The following SF3B1 variants were observed in gnomAD, a reference collection of about 807,000 sequenced individuals.
The protein encoded by SF3B1 is pre-mRNA processing 10.
Under a neutral mutation model 153.8 loss-of-function variants are expected in SF3B1, and 12 were observed. The observed-to-expected ratio is 0.08, with a 90% confidence interval of 0.05 to 0.13. The LOEUF is 0.13. Among genes scored for constraint, SF3B1 ranks in the 10% least tolerant of loss-of-function variants. The pLI, the probability that SF3B1 is intolerant of heterozygous loss-of-function variation, is 1.00. For missense variants in SF3B1, 513 were observed against 1,606.1 expected (o/e 0.32, Z 11.63); for synonymous variants, 498 against 525.2 (o/e 0.95, Z 0.71).
intron 3 of SF3B1, 75 bp downstream of exon 3, chr2:197,420,954 T>C (rs2085230760): frequency 2.3e-6 from 2 of 869,690 alleles, no homozygotes; most frequent in Non-Finnish European, 3.7e-6. Context: ...TCCTAAAATT[T>C]ATGGATTTCT....
At chr2:197,412,851 C>A (rs1321781353) in intron 6 of SF3B1, among the ~76,000 whole-genome samples, 5 of 149,688 alleles carry the variant, frequency 3.3e-5, no homozygotes, top group African/African-American at 1.2e-4. Flanking sequence ...GTGGCAGGCA[C>A]CTGTAATCCC....
chr2:197,397,325 A>G (rs1341003132), intron 22 of SF3B1, among the ~76,000 whole-genome samples: 1 of 152,226 alleles, frequency 6.6e-6, no homozygotes, highest in Non-Finnish European at 1.5e-5. Context: ...TAAAGCATTA[A>G]TATGAGACTT....
intron 1 of SF3B1, among the ~76,000 whole-genome samples, chr2:197,427,626 G>GA (rs1403383887): frequency 7.9e-5 from 12 of 152,142 alleles, no homozygotes; most frequent in African/African-American, 2.9e-4. Flanking sequence ...AAAAAGGTGG[G>GA]AAAAAATACG....
intron 1 of SF3B1, among the ~76,000 whole-genome samples, chr2:197,428,983 C>T (rs535280441): frequency 1.3e-5 from 2 of 151,632 alleles, no homozygotes; most frequent in Non-Finnish European, 2.9e-5. Flanking sequence ...AAAAAAAAGG[C>T]GGGGGTTGGC....
Position 197,403,053 on chromosome 2 carries a change from GA to G in SF3B1, c.1720-19del, listed in dbSNP as rs548985525. 256 of 1,554,820 alleles carry G rather than the reference GA, an allele frequency of 1.6e-4. 1 individual carries two copies. In the African/African-American group the frequency reaches 3.0e-3, roughly 18 times the overall value. ...ACGAGGATCTGAAAAAGAGAAAAGA[GA>G]AGAAGCTACACTTTCACATCAATTA... On this transcript the variant is annotated intron_variant, in intron 12 of 24. Coordinates refer to ENST00000335508, the MANE Select transcript of SF3B1 (RefSeq NM_012433.4).
At position 197,408,121 on chromosome 2, in the gene SF3B1, TACC is replaced by T; in HGVS notation, c.1118-5_1118-3del. On this transcript the variant is annotated splice_polypyrimidine_tract_variant and splice_region_variant and intron_variant, in intron 8 of 24. Transcript: ENST00000335508. ...CAGGAGTCATACTCATTATGTGACC[TACC>T]AAGAAAAGCAAATTTTTATATAATC... 6.2e-7 allele frequency: 1 copy of T among 1,611,912 alleles called. No homozygotes were observed. Among genetic ancestry groups the T allele is most frequent in the Non-Finnish European group, 8.5e-7 (1 of 1,178,782 alleles).
At position 197,400,885 on chromosome 2, in the gene SF3B1, T is replaced by C. The variant is rs2084931071; in HGVS notation, c.2548A>G (p.Ile850Val). The stretch of plus-strand genomic sequence containing the variant: ...TTCAGATCATCCACAATCCTGGATA[T>C]AATTTCTGCTGCACCTACTTTGTTT... The part of the protein sequence containing the change: ...LANKVGAAEI[I>V]SRIVDDLKDE... The change falls in exon 18 of 25, where the codon ATA becomes GTA. Residue 850 changes from isoleucine (I) to valine (V), a missense_variant. Physicochemically the swap from Ile to Val is conservative, Grantham distance 29 (BLOSUM62 3). Transcript: ENST00000335508. The surrounding 1 kb of genome is among the most constrained non-coding windows in gnomAD (Gnocchi z 5.0). 3 of 1,613,776 alleles carry C rather than the reference T, an allele frequency of 1.9e-6. No homozygotes were observed. Among genetic ancestry groups the C allele is most frequent in the Non-Finnish European group, 1.7e-6 (2 of 1,179,850 alleles).
Position 197,391,243 on chromosome 2 carries a change from T to C in SF3B1, c.*1060A>G, listed in dbSNP as rs2084806737. The stretch of plus-strand genomic sequence containing the variant: ...TATGCTGAACTCTTAGATCAACTTA[T>C]TATTACTGAATACAAAGCTAAGCAA... On this transcript the variant is annotated 3_prime_UTR_variant, in exon 25 of 25. Coordinates refer to ENST00000335508, the MANE Select transcript of SF3B1 (RefSeq NM_012433.4). 1 of 152,350 alleles carries C rather than the reference T, an allele frequency of 6.6e-6. No homozygotes were observed. The highest frequency in any genetic ancestry group is 6.5e-5 in the Admixed American group (1 of 15,296). The allele number at this position is 152,350 out of a possible 1,614,324, so 9.4% of individuals were successfully genotyped here.
chr2:197,409,625 C>T, intron 7 of SF3B1, 145 bp downstream of exon 7: 1 of 712,576 alleles, frequency 1.4e-6, no homozygotes, highest in Non-Finnish European at 2.5e-6. Flanking sequence ...AAAAATTAGG[C>T]ATATGAACTG....
Position 197,408,440 on chromosome 2 carries a change from C to T in SF3B1, c.1046G>A (p.Ser349Asn), listed in dbSNP as rs1355018478. The stretch of plus-strand genomic sequence containing the variant: ...CTTTCCAGGGGTCAGAACTGGAGTG[C>T]TTCCACCCATCTGACTAGCTGGTGT... ...DETPASQMGGSTPVLTPGKTP... is the reference protein window; with the variant it reads ...DETPASQMGGNTPVLTPGKTP... Residue 349 changes from serine to asparagine, a missense_variant, in exon 8 of 25, where the codon AGC (serine) becomes AAC (asparagine). Ser to Asn is a conservative substitution (Grantham distance 46, BLOSUM62 1). This residue lies in a region of SF3B1 where 91 missense variants were observed against 157.4 expected (regional missense o/e 0.58). Coordinates refer to ENST00000335508, the MANE Select transcript of SF3B1 (RefSeq NM_012433.4). 2.5e-6 allele frequency: 4 copies of T among 1,614,152 alleles called. No homozygotes were observed. The highest frequency in any genetic ancestry group is 1.7e-4 in the Middle Eastern group (1 of 6,046).
chr2:197,434,319 A>T (rs1486867688), intron 1 of SF3B1, among the ~76,000 whole-genome samples: 1 of 152,212 alleles, frequency 6.6e-6, no homozygotes, highest in East Asian at 1.9e-4. Flanking sequence ...CTAGCTTGAA[A>T]GCTTCGGCCA....
intron 22 of SF3B1, 162 bp downstream of exon 22, chr2:197,397,823 T>A: frequency 6.7e-6 from 3 of 448,368 alleles, no homozygotes; most frequent in East Asian, 7.2e-5. Context: ...AATTTAACAA[T>A]ACATTCCAAT....
chr2:197,421,801 A>G (rs904911783), intron 2 of SF3B1, among the ~76,000 whole-genome samples: 1 of 152,088 alleles, frequency 6.6e-6, no homozygotes, highest in Non-Finnish European at 1.5e-5. Flanking sequence ...AACATGGTGA[A>G]ACTCTGTCTC....
At chr2:197,433,972 T>C (rs1203327744) in intron 1 of SF3B1, among the ~76,000 whole-genome samples, 2 of 152,234 alleles carry the variant, frequency 1.3e-5, no homozygotes, top group Non-Finnish European at 2.9e-5. Context: ...TACTTAAGCA[T>C]GCATCTGGCC....
At position 197,396,211 on chromosome 2, in the gene SF3B1, T is replaced by C; in HGVS notation, c.3384A>G (p.Val1128=). 14 of 1,613,894 alleles carry C rather than the reference T, an allele frequency of 8.7e-6. No individual in the cohort carries two copies. The highest frequency in any genetic ancestry group is 1.2e-5 in the Non-Finnish European group (14 of 1,179,868). ...IVAETCSPFT[V]LPALMNEYRV... ...TGTATTCATTCATTAAGGCAGGGAG[T>C]ACTGTAAAGGGTGAACATGTTTCTG... The change falls in exon 23 of 25, where the codon GTA becomes GTG. Residue 1128 remains valine, a synonymous_variant. Coordinates refer to ENST00000335508, the MANE Select transcript of SF3B1 (RefSeq NM_012433.4).
Position 197,392,357 on chromosome 2 carries a change from G to A in SF3B1, c.3861C>T (p.Ile1287=), listed in dbSNP as rs1484259946. Residue 1287 remains isoleucine, a synonymous_variant, in exon 25 of 25, where the codon ATC becomes ATT. Coordinates refer to ENST00000335508, the MANE Select transcript of SF3B1 (RefSeq NM_012433.4). ...TATAGGTGTTCTTATCATCGTTGTA[G>A]ATTCTTGGGTAATGTGCTATGAGAG... ...QDALIAHYPR[I]YNDDKNTYIR... 4.5e-6 allele frequency: 7 copies of A among 1,560,298 alleles called. No homozygotes were observed. The highest frequency in any genetic ancestry group is 3.5e-6 in the Non-Finnish European group (4 of 1,131,392).
intron 22 of SF3B1, among the ~76,000 whole-genome samples, chr2:197,397,579 T>G (rs1384670244): frequency 6.6e-6 from 1 of 152,194 alleles, no homozygotes; most frequent in Non-Finnish European, 1.5e-5. Flanking sequence ...GTGGCTCACT[T>G]GAGGCCAGGA....
rs761554989 is a variant in SF3B1 at position 197,396,020 on chromosome 2, AT to A, written c.3539+35del. On this transcript the variant is annotated intron_variant, in intron 23 of 24. Transcript: ENST00000335508. ...GATGTTCTAAAATGAAGGAAGAGTT[AT>A]AATTATTTTCTTGTATTTAGTTCAA... The A allele has an allele frequency of 2.0e-5, 30 of 1,518,090 alleles. No individual in the cohort carries two copies. In the African/African-American group the frequency reaches 3.0e-4, roughly 15 times the overall value. 94.0% of individuals were successfully genotyped at this position (1,518,090 alleles called of 1,614,324 possible).
In SF3B1 at chr2:197,399,998, AAAAG is replaced by A; in HGVS notation, c.3013+53_3013+56del. 3 of 1,237,886 alleles carry A rather than the reference AAAAG, an allele frequency of 2.4e-6. No individual in the cohort carries two copies. In the South Asian group the frequency reaches 4.0e-5, roughly 16 times the overall value. The allele number at this position is 1,237,886 out of a possible 1,614,324, so 76.7% of individuals were successfully genotyped here. A position where few individuals can be genotyped will look rare whatever the true frequency, so the allele number is the denominator to read the frequency against. Reference sequence around the variant, plus strand: ...AAATAAGATTTTACTTACGAAAAAAAAAAGAAAAAGAAAGTTAAAACAAGAAAAA... The same window carrying A: ...AAATAAGATTTTACTTACGAAAAAAAAAAAAGAAAGTTAAAACAAGAAAAA... On this transcript the variant is annotated intron_variant, in intron 20 of 24. Transcript: ENST00000335508.
Sources: gnomAD v4.1 joint callset for allele counts (sites outside exome capture counted in the v4.1 genomes callset) on GRCh38, gnomAD v4.1.1 for gene constraint, gnomAD v4.1.1 regional missense constraint, Gnocchi (gnomAD v3.1) non-coding constraint, MANE v1.5 for transcripts, NCBI Gene and HGNC (gene_info 2026-07-23, HGNC 2026-07-21) for gene names.